SELENBP1: variants seen among roughly 807,000 people sequenced by gnomAD.
The protein encoded by SELENBP1 is selenium binding protein 1, also known as methanethiol oxidase.
Under a neutral mutation model 61.0 loss-of-function variants are expected in SELENBP1, and 71 were observed. The observed-to-expected ratio is 1.16, with a 90% CI of 0.96 to 1.42. SELENBP1 has a LOEUF of 1.42. Ranked by LOEUF, SELENBP1 falls within the 40% of genes most tolerant of loss-of-function variation. The pLI is 0.00. For missense variants in SELENBP1, 561 were observed against 605.0 expected (o/e 0.93, Z 0.76); for synonymous variants, 270 against 238.9 (o/e 1.13, Z -1.20).
intron 7 of SELENBP1, 185 bp from the exon 8 acceptor site, chr1:151,366,031 G>T: frequency 1.4e-6 from 1 of 731,496 alleles, no homozygotes; most frequent in Non-Finnish European, 2.2e-6. Flanking sequence ...CTTCACCACT[G>T]CATTCCCAGA....
chr1:151,364,974 G>A lies in SELENBP1; in HGVS notation c.1208C>T (p.Thr403Met), dbSNP rs201363174. ...CTTGTCCCAGGCACTGTACAGCGACGTGGTGATGTAGAGGCGCTTCCCATC... is the reference window on the plus strand; with the variant it reads ...CTTGTCCCAGGCACTGTACAGCGACATGGTGATGTAGAGGCGCTTCCCATC... ...SLDGKRLYIT[T>M]SLYSAWDKQF... is the part of the protein sequence containing the mutation. The change falls in exon 11 of 12, where the codon ACG (threonine) becomes ATG (methionine). Residue 403 changes from threonine to methionine, a missense_variant. By Grantham distance (81) the Thr-to-Met change is moderately conservative. Coordinates refer to ENST00000368868, the MANE Select transcript of SELENBP1 (RefSeq NM_003944.4). 3,830 of 1,613,852 alleles carry A rather than the reference G, an allele frequency of 2.4e-3. 123 individuals carry two copies. The South Asian group carries it at 0.039, about 17-fold the overall frequency.
intron 1 of SELENBP1, among the ~76,000 whole-genome samples, chr1:151,370,694 G>C (rs866970354): frequency 6.6e-6 from 1 of 152,200 alleles, no homozygotes. Context: ...GGGGCCTGCT[G>C]GGGAGCAGGG....
chr1:151,372,236 C>T (rs1462409769), intron 1 of SELENBP1, among the ~76,000 whole-genome samples: 1 of 152,148 alleles, frequency 6.6e-6, no homozygotes, highest in Non-Finnish European at 1.5e-5. Context: ...TTTGGACTCC[C>T]TACCTCGCTG....
At chr1:151,364,826 T>A (rs1018013167) in intron 11 of SELENBP1, 100 bp downstream of exon 11, 1 of 1,483,060 alleles carries the variant, frequency 6.7e-7, no homozygotes, top group Non-Finnish European at 9.2e-7. Context: ...GCCATCTGTG[T>A]GGTGGGGTAC....
chr1:151,365,072 G>C (rs1651729247), intron 10 of SELENBP1, 28 bp from the exon 11 acceptor site: 1 of 1,596,502 alleles, frequency 6.3e-7, no homozygotes, highest in African/African-American at 1.3e-5. Flanking sequence ...TCAGAGCCCA[G>C]GGTAACACAC....
rs1174014116 is a variant in SELENBP1, at chr1:151,365,176, G to C, written c.1137+13C>G. On this transcript the variant is annotated intron_variant, in intron 10 of 11. Transcript: ENST00000368868. ...GTCTGAGGGGTCCAGCAAGTAGGGGGAGAGGCTCTTACCTTGACCACTAGG... is the reference window on the plus strand; with the variant it reads ...GTCTGAGGGGTCCAGCAAGTAGGGGCAGAGGCTCTTACCTTGACCACTAGG... 6.2e-7 allele frequency: 1 copy of C among 1,611,670 alleles called. No individual in the cohort carries two copies.
chr1:151,366,594 G>T, intron 6 of SELENBP1, 128 bp downstream of exon 6: 1 of 1,387,312 alleles, frequency 7.2e-7, no homozygotes, highest in Non-Finnish European at 1.0e-6. Context: ...CTGAGCATGC[G>T]GTACATCCTA....
intron 5 of SELENBP1, 146 bp downstream of exon 5, chr1:151,368,053 T>TA: frequency 9.4e-7 from 1 of 1,058,316 alleles, no homozygotes; most frequent in South Asian, 1.5e-5. Flanking sequence ...TGCTAACATT[T>TA]AAAATACTGG....
intron 9 of SELENBP1, 34 bp from the exon 10 acceptor site, chr1:151,365,315 A>G (rs1318828165): frequency 3.8e-6 from 6 of 1,588,890 alleles, no homozygotes; most frequent in Non-Finnish European, 5.2e-6. Flanking sequence ...AAGGAGGACC[A>G]TAGTGGGAGG....
intron 6 of SELENBP1, 47 bp from the exon 7 acceptor site, chr1:151,366,500 G>C: frequency 6.3e-7 from 1 of 1,589,254 alleles, no homozygotes; most frequent in Non-Finnish European, 8.6e-7. Context: ...TCAGAGGTTG[G>C]AAGGCATGGG....
Position 151,366,840 on chromosome 1 carries a change from A to T in SELENBP1, c.546T>A (p.Gly182=), listed in dbSNP as rs779834038. Reference sequence around the variant, plus strand: ...AGAAGTCATAGCCCAACGGTGCAGCACCCCCAGGTCTCTCCCATGTCCCCT... The same window carrying T: ...AGAAGTCATAGCCCAACGGTGCAGCTCCCCCAGGTCTCTCCCATGTCCCCT... ...EVKGTWERPG[G]AAPLGYDFWY... The change falls in exon 6 of 12, where the codon GGT becomes GGA. Residue 182 remains glycine (G), a synonymous_variant. Coordinates refer to ENST00000368868, the MANE Select transcript of SELENBP1 (RefSeq NM_003944.4). The T allele has an allele frequency of 1.9e-6, 3 of 1,613,840 alleles. No homozygotes were observed. Among genetic ancestry groups the T allele is most frequent in the Non-Finnish European group, 2.5e-6 (3 of 1,180,010 alleles).
At chr1:151,366,519 G>A (rs944233010) in intron 6 of SELENBP1, 66 bp from the exon 7 acceptor site, 2 of 1,554,176 alleles carry the variant, frequency 1.3e-6, no homozygotes, top group Admixed American at 1.7e-5. Context: ...GGCAAAGACT[G>A]GGCCACCAAT....
chr1:151,370,544 G>A (rs1652089359), intron 1 of SELENBP1, among the ~76,000 whole-genome samples: 1 of 152,182 alleles, frequency 6.6e-6, no homozygotes, highest in Non-Finnish European at 1.5e-5. Flanking sequence ...CCAGAGGCCT[G>A]CCCACCAGAG....
rs1335652950 is a variant in SELENBP1 at position 151,368,436 on chromosome 1, G to C, written c.361-117C>G. On this transcript the variant is annotated intron_variant, in intron 4 of 11. Coordinates refer to ENST00000368868, the MANE Select transcript of SELENBP1 (RefSeq NM_003944.4). ...CTGTCATCTTTTCCTTCAAAACATG[G>C]ACACAACTCTCCCTGTGGGAATATG... is the stretch of plus-strand genomic sequence containing the variant. The C allele has an allele frequency of 1.5e-5, 20 of 1,363,466 alleles. No homozygotes were observed. In the Admixed American group the frequency reaches 4.3e-4, roughly 29 times the overall value. 84.5% of individuals were successfully genotyped at this position (1,363,466 alleles called of 1,614,324 possible). A position where few individuals can be genotyped will look rare whatever the true frequency, so the allele number is the denominator to read the frequency against.
rs200206735 is a variant in SELENBP1 at position 151,364,583 on chromosome 1, C to T, written c.1379G>A (p.Arg460His). ...PLGPALAHEL[R>H]YPGGDCSSDI... ...AGAGCTACAATCGCCCCCAGGGTAGCGGAGCTCATGGGCAAGGGCTGGGCC... is the reference window on the plus strand; with the variant it reads ...AGAGCTACAATCGCCCCCAGGGTAGTGGAGCTCATGGGCAAGGGCTGGGCC... The change falls in exon 12 of 12, where the codon CGC becomes CAC. Residue 460 changes from arginine to histidine, a missense_variant. By Grantham distance (29) the Arg-to-His change is conservative. Coordinates refer to ENST00000368868, the MANE Select transcript of SELENBP1 (RefSeq NM_003944.4). 2.4e-5 allele frequency: 39 copies of T among 1,614,074 alleles called. No homozygotes were observed. The highest frequency in any genetic ancestry group is 1.7e-4 in the Middle Eastern group (1 of 6,060).
intron 1 of SELENBP1, among the ~76,000 whole-genome samples, chr1:151,371,105 C>T (rs570736431): frequency 1.3e-5 from 2 of 152,218 alleles, no homozygotes; most frequent in African/African-American, 2.4e-5. Flanking sequence ...TGAATTAGGC[C>T]GGGTGCGGTG....
In SELENBP1 at chr1:151,365,903, T is replaced by G. The variant is rs974666050; in HGVS notation, c.844-57A>C. ...GGCAGAGAGGTCAGCCTATCAGAATTGGGGACTAGGGGTTAGATCTGGGTT... is the reference window on the plus strand; with the variant it reads ...GGCAGAGAGGTCAGCCTATCAGAATGGGGGACTAGGGGTTAGATCTGGGTT... On this transcript the variant is annotated intron_variant, in intron 7 of 11. Transcript: ENST00000368868. 4 of 1,588,012 alleles carry G rather than the reference T, an allele frequency of 2.5e-6. No homozygotes were observed. In the East Asian group the frequency reaches 8.9e-5, roughly 36 times the overall value.
chr1:151,368,582 T>C (rs1651975898), intron 4 of SELENBP1, among the ~76,000 whole-genome samples: 1 of 152,190 alleles, frequency 6.6e-6, no homozygotes, highest in Non-Finnish European at 1.5e-5. Flanking sequence ...CACGCAGCCC[T>C]GTGAAACCAT....
intron 7 of SELENBP1, 33 bp from the exon 8 acceptor site, chr1:151,365,879 G>A (rs754316932): frequency 2.5e-6 from 4 of 1,608,136 alleles, no homozygotes; most frequent in South Asian, 2.2e-5. Context: ...AGGTTAGCTG[G>A]CAGAGAGGTC....
Sources: gnomAD v4.1 joint callset for allele counts (sites outside exome capture counted in the v4.1 genomes callset) on GRCh38, gnomAD v4.1.1 for gene constraint, MANE v1.5 for transcripts, NCBI Gene and HGNC (gene_info 2026-07-23, HGNC 2026-07-21) for gene names.